The following PLEKHG4 variants were observed in gnomAD, a reference collection of about 807,000 sequenced individuals.
The protein encoded by PLEKHG4 is puratrophin-1.
Under a neutral mutation model 136.9 loss-of-function variants are expected in PLEKHG4, and 85 were observed. The observed-to-expected ratio is 0.62, with a 90% confidence interval of 0.52 to 0.74. The LOEUF is 0.74. PLEKHG4 is among the 30% of genes least tolerant of loss of function. The probability of loss-of-function intolerance (pLI) is 0.00; values close to 1 mark genes in which losing one functional copy is unlikely to be tolerated. For synonymous variants in PLEKHG4, 577 were observed against 646.9 expected (o/e 0.89, Z 1.64); for missense variants, 1,317 against 1,527.8 (o/e 0.86, Z 2.30).
Position 67,286,349 on chromosome 16 carries a change from C to T in PLEKHG4, c.2518C>T (p.His840Tyr), listed in dbSNP as rs776852722. The change falls in exon 15 of 22, where the codon CAC (histidine) becomes TAC (tyrosine). Residue 840 changes from histidine (H) to tyrosine (Y), a missense_variant. Coordinates refer to ENST00000379344, the MANE Select transcript of PLEKHG4 (RefSeq NM_001129729.3). ...CGATGCCCTGATGTCAAGCTATGGG[C>T]ACACCTTCTTCAAGGTAAGTGAACC... is the stretch of plus-strand genomic sequence containing the variant. ...RSDALMSSYG[H>Y]TFFKDKQQAL... 6.2e-7 allele frequency: 1 copy of T among 1,613,652 alleles called. No individual in the cohort carries two copies. The highest frequency in any genetic ancestry group is 1.7e-5 in the Admixed American group (1 of 60,026).
At position 67,289,158 on chromosome 16, in the gene PLEKHG4, C is replaced by G; in HGVS notation, c.*350C>G. On this transcript the variant is annotated 3_prime_UTR_variant, in exon 22 of 22. Transcript: ENST00000379344. ...GTGCCTCTAGGCAGTGACTAGGGTG[C>G]CCCCACCCCTCAGGAAGAACACAGG... 4.3e-6 allele frequency: 2 copies of G among 469,752 alleles called. No homozygotes were observed. Among genetic ancestry groups the G allele is most frequent in the Non-Finnish European group, 7.8e-6 (2 of 256,264 alleles). The allele number at this position is 469,752 out of a possible 1,614,324, so 29.1% of individuals were successfully genotyped here. A position where few individuals can be genotyped will look rare whatever the true frequency, so the allele number is the denominator to read the frequency against.
At position 67,286,491 on chromosome 16, in the gene PLEKHG4, T is replaced by A. The variant is rs1567440385; in HGVS notation, c.2579T>A (p.Leu860Gln). ...LGDHLDLASY[L>Q]LKPIQRMGKY... Reference sequence around the variant, plus strand: ...GACCACCTGGACCTGGCCTCCTACCTGCTAAAGCCCATCCAGCGCATGGGC... The same window carrying A: ...GACCACCTGGACCTGGCCTCCTACCAGCTAAAGCCCATCCAGCGCATGGGC... The change falls in exon 16 of 22, where the codon CTG becomes CAG. Residue 860 changes from leucine (L) to glutamine (Q), a missense_variant. By Grantham distance (113) the Leu-to-Gln change is moderately radical. Transcript: ENST00000379344. 6.2e-6 allele frequency: 10 copies of A among 1,605,002 alleles called. No individual in the cohort carries two copies. Among genetic ancestry groups the A allele is most frequent in the Middle Eastern group, 1.7e-4 (1 of 6,058 alleles).
chr16:67,283,228 G>C (rs1178080844), intron 11 of PLEKHG4, among the ~76,000 whole-genome samples: 1 of 152,126 alleles, frequency 6.6e-6, no homozygotes, highest in Non-Finnish European at 1.5e-5. Context: ...CAAAGGTCCT[G>C]TGGCAGGATG....
In PLEKHG4 at chr16:67,287,076, C is replaced by A; in HGVS notation, c.3002C>A (p.Ala1001Asp). 6.2e-7 allele frequency: 1 copy of A among 1,613,344 alleles called. No individual in the cohort carries two copies. Among genetic ancestry groups the A allele is most frequent in the Non-Finnish European group, 8.5e-7 (1 of 1,180,030 alleles). Residue 1001 changes from alanine to aspartate, a missense_variant, in exon 18 of 22, where the codon GCC (alanine) becomes GAC (aspartate). Ala to Asp is a moderately radical substitution (Grantham distance 126). Transcript: ENST00000379344. ...RFEIWFRRRK[A>D]RDTFVLQASS... Reference sequence around the variant, plus strand: ...GAGATCTGGTTCCGCCGCCGCAAGGCCAGGGACACCTTTGTGCTGCAGGCC... The same window carrying A: ...GAGATCTGGTTCCGCCGCCGCAAGGACAGGGACACCTTTGTGCTGCAGGCC...
chr16:67,288,447 G>A lies in PLEKHG4; in HGVS notation c.3455-42G>A, dbSNP rs768315697. 8.5e-5 allele frequency: 137 copies of A among 1,613,384 alleles called. 2 individuals carry two copies. Among genetic ancestry groups the A allele is most frequent in the Non-Finnish European group, 1.1e-4 (130 of 1,179,858 alleles). ...GGCAGGAGGGCATGGCTTGGGGTCT[G>A]GGGCTTCCCGTGCTGACAGTTCACC... On this transcript the variant is annotated intron_variant, in intron 20 of 21. Transcript: ENST00000379344.
In PLEKHG4 at chr16:67,286,270, G is replaced by T; in HGVS notation, c.2443-4G>T. On this transcript the variant is annotated splice_polypyrimidine_tract_variant and splice_region_variant and intron_variant, in intron 14 of 21. Coordinates refer to ENST00000379344, the MANE Select transcript of PLEKHG4 (RefSeq NM_001129729.3). Reference sequence around the variant, plus strand: ...CACTGGGGCTGAGCCACATGTCCTTGTAGAGGGTGCAGTTTGGGATGTACG... The same window carrying T: ...CACTGGGGCTGAGCCACATGTCCTTTTAGAGGGTGCAGTTTGGGATGTACG... The T allele has an allele frequency of 6.2e-7, 1 of 1,610,358 alleles. No homozygotes were observed. Among genetic ancestry groups the T allele is most frequent in the South Asian group, 1.1e-5 (1 of 91,014 alleles).
At chr16:67,287,606 T>C (rs2036535000) in intron 18 of PLEKHG4, 1 of 520,936 alleles carries the variant, frequency 1.9e-6, no homozygotes, top group African/African-American at 1.9e-5. Flanking sequence ...TTGCCCAGAC[T>C]GGTCTTGAAC....
At position 67,282,203 on chromosome 16, in the gene PLEKHG4, G is replaced by C. The variant is rs1225447278; in HGVS notation, c.1107G>C (p.Glu369Asp). The change falls in exon 9 of 22, where the codon GAG becomes GAC. Residue 369 changes from glutamate to aspartate, a missense_variant and splice_region_variant. Glu to Asp is a conservative substitution (Grantham distance 45, BLOSUM62 2). Transcript: ENST00000379344. ...KAVPQPMEPG[E>D]VGQLLQQTEV... ...CAGCTTATTGCCCTCAATCACAGGA[G>C]GTCGGTCAGCTGCTACAGCAGACAG... is the stretch of plus-strand genomic sequence containing the variant. The C allele has an allele frequency of 6.2e-7, 1 of 1,613,606 alleles. No individual in the cohort carries two copies. Among genetic ancestry groups the C allele is most frequent in the Middle Eastern group, 1.6e-4 (1 of 6,062 alleles).
Position 67,286,538 on chromosome 16 carries a change from G to T in PLEKHG4, c.2626G>T (p.Glu876Ter). 2 of 1,576,252 alleles carry T rather than the reference G, an allele frequency of 1.3e-6. No individual in the cohort carries two copies. The highest frequency in any genetic ancestry group is 1.7e-6 in the Non-Finnish European group (2 of 1,159,580). Residue 876 changes from glutamate (E) to a stop codon, truncating the protein, a stop_gained, in exon 16 of 22, where the codon GAG becomes TAG. Transcript: ENST00000379344. LOFTEE classifies it high-confidence loss of function. ...RMGKYALLLQ[E>*]LARACGGPTQ... ...GGGCAAGTACGCACTGCTGCTGCAG[G>T]AGCTGGCACGGGCCTGCGGGGGCCC...
At chr16:67,287,400 T>G (rs919833621) in intron 18 of PLEKHG4, among the ~76,000 whole-genome samples, 3 of 152,222 alleles carry the variant, frequency 2.0e-5, no homozygotes, top group Non-Finnish European at 4.4e-5. Flanking sequence ...ATCATGGCTC[T>G]CTCTCTCTTT....
At chr16:67,282,925 C>A in intron 11 of PLEKHG4, 67 bp downstream of exon 11, 4 of 1,136,170 alleles carry the variant, frequency 3.5e-6, no homozygotes, top group Non-Finnish European at 5.4e-6. Context: ...GAATGCAGAA[C>A]TGTGTGAAAG....
upstream of PLEKHG4, chr16:67,278,194 T>A (rs2036059587): frequency 6.6e-6 from 1 of 150,794 alleles, no homozygotes; most frequent in African/African-American, 2.5e-5. Context: ...GGAAGAGAGG[T>A]CTGGCTGGGA....
At position 67,284,209 on chromosome 16, in the gene PLEKHG4, A is replaced by C. The variant is rs1376681228; in HGVS notation, c.1510-66A>C. Reference sequence around the variant, plus strand: ...GGGACATGTCGATATGTCAGCAGGAAGTATCTGAGTCTGGGGGCTAGACCG... The same window carrying C: ...GGGACATGTCGATATGTCAGCAGGACGTATCTGAGTCTGGGGGCTAGACCG... On this transcript the variant is annotated intron_variant, in intron 11 of 21. Coordinates refer to ENST00000379344, the MANE Select transcript of PLEKHG4 (RefSeq NM_001129729.3). The surrounding 1 kb of genome is among the most constrained non-coding windows in gnomAD (Gnocchi z 4.4). 43 of 1,393,064 alleles carry C rather than the reference A, an allele frequency of 3.1e-5. No homozygotes were observed. Among genetic ancestry groups the C allele is most frequent in the Non-Finnish European group, 4.2e-5 (42 of 993,324 alleles). The allele number at this position is 1,393,064 out of a possible 1,614,324, so 86.3% of individuals were successfully genotyped here. A position where few individuals can be genotyped will look rare whatever the true frequency, so the allele number is the denominator to read the frequency against.
chr16:67,287,224 C>A (rs1344255644), intron 18 of PLEKHG4, 47 bp downstream of exon 18: 9 of 1,576,036 alleles, frequency 5.7e-6, no homozygotes, highest in Non-Finnish European at 7.8e-6. Context: ...CACTGGAGAG[C>A]TTACATTGAC....
In PLEKHG4 at chr16:67,286,582, G is replaced by C. The variant is rs148251446; in HGVS notation, c.2670G>C (p.Ala890=). 2.4e-4 allele frequency: 371 copies of C among 1,559,938 alleles called. No homozygotes were observed. The highest frequency in any genetic ancestry group is 3.0e-4 in the Non-Finnish European group (351 of 1,151,382). The change falls in exon 16 of 22, where the codon GCG becomes GCC. Residue 890 remains alanine, a synonymous_variant. Transcript: ENST00000379344. ...GGGGCCCCACGCAGGAGCTCAGTGC[G>C]CTGCGGGAGGCCCAGAGCCTTGTGC... ...ACGGPTQELS[A]LREAQSLVHF...
chr16:67,284,344 C>G lies in PLEKHG4; in HGVS notation c.1579C>G (p.Pro527Ala), dbSNP rs150208712. The change falls in exon 12 of 22, where the codon CCT (proline) becomes GCT (alanine). Residue 527 changes from proline to alanine, a missense_variant. By Grantham distance (27) the Pro-to-Ala change is conservative. Transcript: ENST00000379344. This position sits in a 1 kb window ranked among gnomAD's most constrained non-coding sequence, Gnocchi z 4.4. Reference protein sequence around the residue: ...TGWEAAELDPPGARFLALRAQ... With the variant: ...TGWEAAELDPAGARFLALRAQ... ...CTGGGAGGCGGCTGAACTGGACCCC[C>G]CTGGGGCACGCTTTCTGGCCCTGCG... 3.3e-4 allele frequency: 539 copies of G among 1,613,846 alleles called. 2 individuals are homozygous for G. The highest frequency in any genetic ancestry group is 1.2e-4 in the Non-Finnish European group (142 of 1,179,982).
Position 67,288,853 on chromosome 16 carries a change from A to T in PLEKHG4, c.*45A>T. 6.2e-7 allele frequency: 1 copy of T among 1,608,660 alleles called. No individual in the cohort carries two copies. Among genetic ancestry groups the T allele is most frequent in the Non-Finnish European group, 8.5e-7 (1 of 1,176,848 alleles). On this transcript the variant is annotated 3_prime_UTR_variant, in exon 22 of 22. Coordinates refer to ENST00000379344, the MANE Select transcript of PLEKHG4 (RefSeq NM_001129729.3). ...GTAGATCCAGCAGCCTGCAGCTCCA[A>T]GGAACATTGCCTCTCTGGATCTGCT...
At position 67,286,993 on chromosome 16, in the gene PLEKHG4, G is replaced by T; in HGVS notation, c.2926-7G>T. The T allele has an allele frequency of 6.2e-7, 1 of 1,613,064 alleles. No homozygotes were observed. The highest frequency in any genetic ancestry group is 1.1e-5 in the South Asian group (1 of 91,082). ...CTTACCAAGCCCCTCTCTCCCGCTG[G>T]CCACAGATGGCAGACCTTGGTCTCA... On this transcript the variant is annotated splice_region_variant and splice_polypyrimidine_tract_variant and intron_variant, in intron 17 of 21. Transcript: ENST00000379344.
chr16:67,282,481 A>T, intron 9 of PLEKHG4, 22 bp from the exon 10 acceptor site: 2 of 1,613,944 alleles, frequency 1.2e-6, no homozygotes, highest in South Asian at 2.2e-5. Flanking sequence ...CAGGGGGTCT[A>T]AGATGGTATA....
Sources: gnomAD v4.1 joint callset for allele counts (sites outside exome capture counted in the v4.1 genomes callset) on GRCh38, gnomAD v4.1.1 for gene constraint, Gnocchi (gnomAD v3.1) non-coding constraint, MANE v1.5 for transcripts, NCBI Gene and HGNC (gene_info 2026-07-23, HGNC 2026-07-21) for gene names.